Variants in ERP44 observed in about 807,000 individuals in gnomAD.
The protein encoded by ERP44 is endoplasmic reticulum resident protein 44.
Under a neutral mutation model 53.4 loss-of-function variants are expected in ERP44, and 25 were observed. That is an observed-to-expected ratio of 0.47 (90% CI 0.34 to 0.65). The LOEUF is 0.65. Ranked by LOEUF, ERP44 falls within the 30% of genes least tolerant of loss-of-function variation. The probability of loss-of-function intolerance (pLI) is 0.01; values close to 1 mark genes in which losing one functional copy is unlikely to be tolerated. For synonymous variants in ERP44, 145 were observed against 161.2 expected, an observed-to-expected ratio of 0.90 and a Z score of 0.76; for missense variants, 338 against 493.2, an observed-to-expected ratio of 0.69 and a Z score of 2.98.
chr9:100,089,522 A>C (rs1445386156), intron 1 of ERP44, among the ~76,000 whole-genome samples: 31 of 146,092 alleles, frequency 2.1e-4, no homozygotes, highest in Admixed American at 2.1e-3. Context: ...CAGAGGTTGC[A>C]GTGAACCAAT....
intron 6 of ERP44, among the ~76,000 whole-genome samples, chr9:100,018,680 T>C (rs1830552401): frequency 6.6e-6 from 1 of 152,196 alleles, no homozygotes; most frequent in South Asian, 2.1e-4. Context: ...AAATAAGTAA[T>C]TTTTTGTTTA....
At chr9:100,055,358 G>A (rs1023356212) in intron 3 of ERP44, among the ~76,000 whole-genome samples, 6 of 152,116 alleles carry the variant, frequency 3.9e-5, no homozygotes, top group African/African-American at 9.7e-5. Context: ...TTACCCTGAT[G>A]TGTGTTTTTT....
At chr9:99,999,072 A>C in intron 10 of ERP44, 1 of 720,016 alleles carries the variant, frequency 1.4e-6, no homozygotes, top group Non-Finnish European at 2.5e-6. Context: ...GACCGCCTGC[A>C]GGGAGCGCAC....
At chr9:100,086,483 T>G (rs1222032479) in intron 1 of ERP44, among the ~76,000 whole-genome samples, 2 of 152,198 alleles carry the variant, frequency 1.3e-5, no homozygotes, top group African/African-American at 4.8e-5. Context: ...TAAGGTGCTT[T>G]CTCCATTTCA....
At chr9:100,092,299 T>G (rs565507975) in intron 1 of ERP44, among the ~76,000 whole-genome samples, 1 of 152,328 alleles carries the variant, frequency 6.6e-6, no homozygotes, top group South Asian at 2.1e-4. Flanking sequence ...CATACACATG[T>G]GCAACATGCT....
chr9:100,077,988 C>T (rs1005212671), intron 1 of ERP44, among the ~76,000 whole-genome samples: 3 of 152,178 alleles, frequency 2.0e-5, no homozygotes, highest in Non-Finnish European at 2.9e-5. Context: ...AAAAAAACCA[C>T]AACCTGCTGA....
intron 10 of ERP44, among the ~76,000 whole-genome samples, chr9:99,996,509 A>G (rs1303351479): frequency 1.4e-5 from 2 of 147,154 alleles, no homozygotes; most frequent in African/African-American, 5.1e-5. Flanking sequence ...CTTTATAGCA[A>G]GACAAAACAA....
chr9:99,999,366 G>GTA (rs538989147), intron 10 of ERP44, among the ~76,000 whole-genome samples: 1 of 152,124 alleles, frequency 6.6e-6, no homozygotes, highest in South Asian at 2.1e-4. Context: ...TTTGTCAGAC[G>GTA]TATAGATTGT....
chr9:100,068,093 C>T (rs1382776901), intron 1 of ERP44, among the ~76,000 whole-genome samples: 8 of 147,744 alleles, frequency 5.4e-5, no homozygotes, highest in African/African-American at 1.8e-4. Context: ...AGTCAGCCCC[C>T]CGCCCGGCCA....
intron 4 of ERP44, 114 bp downstream of exon 4, chr9:100,052,303 T>TA (rs202031558): frequency 0.17 from 62,723 of 375,038 alleles, 4,515 homozygotes; most frequent in African/African-American, 0.44. Flanking sequence ...GCAGAGCATT[T>TA]AAAAAAAAAA....
chr9:100,015,016 G>A (rs1442975983), intron 8 of ERP44, among the ~76,000 whole-genome samples: 1 of 152,186 alleles, frequency 6.6e-6, no homozygotes, highest in African/African-American at 2.4e-5. Context: ...GGCAGAAAGA[G>A]AGCTACATAA....
intron 6 of ERP44, among the ~76,000 whole-genome samples, chr9:100,020,191 G>T (rs753182670): frequency 6.6e-6 from 1 of 152,162 alleles, no homozygotes; most frequent in Non-Finnish European, 1.5e-5. Context: ...TTGTTCCCCT[G>T]AGACAGGGAA....
chr9:100,015,370 T>C (rs1830516568), intron 8 of ERP44, among the ~76,000 whole-genome samples: 1 of 152,214 alleles, frequency 6.6e-6, no homozygotes, highest in Non-Finnish European at 1.5e-5. Context: ...AGACCTGGAA[T>C]GAAAGATATG....
intron 2 of ERP44, among the ~76,000 whole-genome samples, chr9:100,058,910 C>G (rs994638440): frequency 1.6e-4 from 25 of 152,270 alleles, no homozygotes; most frequent in African/African-American, 6.0e-4. Flanking sequence ...CTTATTCGCT[C>G]TAAAGCAGTG....
intron 6 of ERP44, among the ~76,000 whole-genome samples, chr9:100,018,564 A>G (rs1416565694): frequency 6.6e-6 from 1 of 152,160 alleles, no homozygotes; most frequent in African/African-American, 2.4e-5. Context: ...TTTTGACCCC[A>G]GACTGTTTTC....
At chr9:100,047,558 TAACTC>T (rs1825987172) in intron 4 of ERP44, among the ~76,000 whole-genome samples, 1 of 151,972 alleles carries the variant, frequency 6.6e-6, no homozygotes, top group South Asian at 2.1e-4. Context: ...ACACAAAAAT[TAACTC>T]AAAATAAATG....
chr9:100,004,113 G>A (rs1357620903), intron 10 of ERP44, among the ~76,000 whole-genome samples: 1 of 152,174 alleles, frequency 6.6e-6, no homozygotes, highest in Non-Finnish European at 1.5e-5. Context: ...GCTAGAGCCT[G>A]GGTCCACTTG....
chr9:100,047,827 CAT>C (rs989729818), intron 4 of ERP44, among the ~76,000 whole-genome samples: 6 of 152,022 alleles, frequency 3.9e-5, no homozygotes, highest in Non-Finnish European at 8.8e-5. Flanking sequence ...ATTTGCAAAT[CAT>C]ATATATGAGG....
At chr9:100,052,354 G>T in intron 4 of ERP44, 63 bp downstream of exon 4, 1 of 694,420 alleles carries the variant, frequency 1.4e-6, no homozygotes, top group Non-Finnish European at 2.3e-6. Flanking sequence ...AAGAAAAAAT[G>T]TGTATGTGTG....
Sources: gnomAD v4.1 joint callset for allele counts (sites outside exome capture counted in the v4.1 genomes callset) on GRCh38, gnomAD v4.1.1 for gene constraint, MANE v1.5 for transcripts, NCBI Gene and HGNC (gene_info 2026-07-23, HGNC 2026-07-21) for gene names.